BMPR1B: variants seen among roughly 807,000 people sequenced by gnomAD.
The protein encoded by BMPR1B is bone morphogenetic protein receptor type-1B.
Under a neutral mutation model 59.1 loss-of-function variants are expected in BMPR1B, and 12 were observed. The observed-to-expected ratio is 0.20, with a 90% CI of 0.13 to 0.33. BMPR1B has a LOEUF of 0.33. Ranked by LOEUF, BMPR1B falls within the 10% of genes least tolerant of loss-of-function variation. The probability of loss-of-function intolerance (pLI) is 1.00; values close to 1 mark genes in which losing one functional copy is unlikely to be tolerated. For missense variants in BMPR1B, 550 were observed against 610.9 expected (o/e 0.90, Z 1.05); for synonymous variants, 237 against 207.3 (o/e 1.14, Z -1.23).
At chr4:95,074,278 A>G (rs768679387) in intron 3 of BMPR1B, among the ~76,000 whole-genome samples, 4 of 152,172 alleles carry the variant, frequency 2.6e-5, no homozygotes, top group African/African-American at 7.2e-5. Context: ...GAAAAATACA[A>G]TACTACTCTT....
intron 3 of BMPR1B, among the ~76,000 whole-genome samples, chr4:95,088,758 G>C (rs1288384876): frequency 6.6e-6 from 1 of 151,488 alleles, no homozygotes; most frequent in Non-Finnish European, 1.5e-5. Context: ...TATTCATTTT[G>C]AAAGGCCATT....
At chr4:94,773,368 ATGTT>A (rs1722255393) in intron 1 of BMPR1B, among the ~76,000 whole-genome samples, 1 of 152,068 alleles carries the variant, frequency 6.6e-6, no homozygotes, top group African/African-American at 2.4e-5. Flanking sequence ...ACAAAAGAGA[ATGTT>A]TGTGACTTAA....
In BMPR1B at chr4:95,154,810, AC is replaced by A; in HGVS notation, c.*139del. ...CTGCTTCCCAGTGGGTTCAGACCTC[AC>A]CTCTCAGGGAGCGACCTGGGCAAAG... On this transcript the variant is annotated 3_prime_UTR_variant, in exon 13 of 13. Transcript: ENST00000515059. 2 of 1,299,562 alleles carry A rather than the reference AC, an allele frequency of 1.5e-6. No homozygotes were observed. The highest frequency in any genetic ancestry group is 2.2e-6 in the Non-Finnish European group (2 of 918,898). 80.5% of individuals were successfully genotyped at this position (1,299,562 alleles called of 1,614,324 possible). A position where few individuals can be genotyped will look rare whatever the true frequency, so the allele number is the denominator to read the frequency against.
chr4:94,983,578 C>T (rs528034303), intron 2 of BMPR1B, among the ~76,000 whole-genome samples: 21 of 152,248 alleles, frequency 1.4e-4, no homozygotes, highest in African/African-American at 5.1e-4. Flanking sequence ...GTGATAGTCT[C>T]AATATGGAAA....
intron 3 of BMPR1B, among the ~76,000 whole-genome samples, chr4:95,019,606 A>T (rs1334108908): frequency 1.3e-5 from 2 of 152,172 alleles, no homozygotes; most frequent in Non-Finnish European, 2.9e-5. Context: ...CATGCAAGGC[A>T]TTATTTATTT....
intron 3 of BMPR1B, among the ~76,000 whole-genome samples, chr4:95,072,214 C>T (rs980728440): frequency 6.6e-6 from 1 of 152,140 alleles, no homozygotes; most frequent in African/African-American, 2.4e-5. Flanking sequence ...AGGCTTTCAG[C>T]TGATTGGATG....
intron 2 of BMPR1B, among the ~76,000 whole-genome samples, chr4:94,964,462 GCAAAGACTTTTTTCTT>G (rs1730479522): frequency 6.6e-6 from 1 of 152,082 alleles, no homozygotes; most frequent in Non-Finnish European, 1.5e-5. Flanking sequence ...TATAGGTTTG[GCAAAGACTTTTTTCTT>G]CTATGGCTGT....
intron 1 of BMPR1B, among the ~76,000 whole-genome samples, chr4:94,849,791 T>TTG (rs1725494210): frequency 8.1e-6 from 1 of 124,164 alleles, no homozygotes. Context: ...GAGGGGTTTT[T>TTG]TGGTGTGTGT....
intron 1 of BMPR1B, among the ~76,000 whole-genome samples, chr4:94,846,080 A>G (rs1304851953): frequency 6.6e-6 from 1 of 152,212 alleles, no homozygotes; most frequent in African/African-American, 2.4e-5. Context: ...AGCTATAGTA[A>G]TCAAAACAGC....
chr4:94,988,871 AG>A (rs941419392), intron 2 of BMPR1B, among the ~76,000 whole-genome samples: 20 of 151,708 alleles, frequency 1.3e-4, no homozygotes, highest in Middle Eastern at 3.4e-3. Flanking sequence ...TTTTGGGAAA[AG>A]AAAAGGATAA....
intron 1 of BMPR1B, among the ~76,000 whole-genome samples, chr4:94,783,763 C>T (rs1429029548): frequency 6.6e-6 from 1 of 152,146 alleles, no homozygotes; most frequent in Non-Finnish European, 1.5e-5. Context: ...GGGTGTAGAG[C>T]GTTTACCCTG....
At chr4:94,808,047 A>C (rs533847249) in intron 1 of BMPR1B, among the ~76,000 whole-genome samples, 20 of 152,282 alleles carry the variant, frequency 1.3e-4, no homozygotes, top group Non-Finnish European at 2.2e-4. Flanking sequence ...TTGTACTTAA[A>C]ATATTTATAA....
intron 2 of BMPR1B, among the ~76,000 whole-genome samples, chr4:94,923,046 T>C (rs897299516): frequency 1.2e-4 from 19 of 152,172 alleles, no homozygotes; most frequent in African/African-American, 4.1e-4. Context: ...GCTATTTCAT[T>C]GACCTATTTT....
At chr4:95,029,548 A>C (rs1341166646) in intron 3 of BMPR1B, among the ~76,000 whole-genome samples, 1 of 151,918 alleles carries the variant, frequency 6.6e-6, no homozygotes, top group Non-Finnish European at 1.5e-5. Context: ...GTCTTTGTGG[A>C]ACTTTGAATA....
At chr4:94,893,155 A>G (rs1270061699) in intron 2 of BMPR1B, among the ~76,000 whole-genome samples, 1 of 152,122 alleles carries the variant, frequency 6.6e-6, no homozygotes, top group Non-Finnish European at 1.5e-5. Context: ...ATCTTCCTTT[A>G]TAATATAAAT....
intron 10 of BMPR1B, among the ~76,000 whole-genome samples, chr4:95,136,545 T>G (rs998642772): frequency 1.2e-4 from 19 of 152,158 alleles, no homozygotes; most frequent in African/African-American, 4.6e-4. Context: ...GGTCCTAGAC[T>G]TTTTTTCGTT....
intron 2 of BMPR1B, among the ~76,000 whole-genome samples, chr4:94,937,676 TTTTG>T (rs1161848554): frequency 2.8e-5 from 4 of 144,350 alleles, no homozygotes; most frequent in Non-Finnish European, 3.0e-5. Flanking sequence ...ACAAATGGAT[TTTTG>T]TTTTTTAAAT....
intron 3 of BMPR1B, among the ~76,000 whole-genome samples, chr4:95,101,880 G>A (rs576366949): frequency 1.3e-5 from 2 of 151,968 alleles, no homozygotes; most frequent in South Asian, 2.1e-4. Context: ...TGCTTTTCAG[G>A]CTTTTATTTT....
chr4:94,850,964 G>A (rs1165907121), intron 1 of BMPR1B, among the ~76,000 whole-genome samples: 1 of 152,154 alleles, frequency 6.6e-6, no homozygotes, highest in Non-Finnish European at 1.5e-5. Context: ...CATGTGCCCT[G>A]TAAATGTTTA....
Sources: allele counts gnomAD v4.1 joint callset (sites outside exome capture counted in the v4.1 genomes callset), GRCh38; gene constraint gnomAD v4.1.1; transcripts MANE v1.5; gene names NCBI Gene and HGNC (gene_info 2026-07-23, HGNC 2026-07-21).